Variants in DPYD observed in about 807,000 individuals in gnomAD.
DPYD encodes dihydropyrimidine dehydrogenase, also known as dihydropyrimidine dehydrogenase [NADP(+)].
Under a neutral mutation model 116.2 loss-of-function variants are expected in DPYD, and 109 were observed. The ratio of observed to expected loss-of-function variants is 0.94; its 90% confidence interval spans 0.80 to 1.10. DPYD has a LOEUF of 1.10. Ranked by LOEUF, DPYD falls within the 50% of genes least tolerant of loss-of-function variation. DPYD has a pLI of 0.00. For synonymous variants in DPYD, 440 were observed against 432.0 expected (o/e 1.02, Z -0.23); for missense variants, 1,302 against 1,254.5 (o/e 1.04, Z -0.57).
In DPYD at chr1:97,079,026, G is replaced by A. The variant is rs760485592; in HGVS notation, c.3028C>T (p.Pro1010Ser). ...GGTACGCCTCTCTTTGGTTCATAAGGTGTTGTCCTGGAAACCATTTTGATG... is the reference window on the plus strand; with the variant it reads ...GGTACGCCTCTCTTTGGTTCATAAGATGTTGTCCTGGAAACCATTTTGATG... ...DCIKMVSRTTPYEPKRGVPLS... is the reference protein window; with the variant it reads ...DCIKMVSRTTSYEPKRGVPLS... The change falls in exon 23 of 23, where the codon CCT becomes TCT. Residue 1010 changes from proline (P) to serine (S), a missense_variant. Coordinates refer to ENST00000370192, the MANE Select transcript of DPYD (RefSeq NM_000110.4). The A allele has an allele frequency of 1.9e-6, 3 of 1,613,598 alleles. No homozygotes were observed. Among genetic ancestry groups the A allele is most frequent in the Middle Eastern group, 1.6e-4 (1 of 6,082 alleles).
intron 11 of DPYD, among the ~76,000 whole-genome samples, chr1:97,550,534 T>C (rs1171153619): frequency 6.6e-6 from 1 of 152,096 alleles, no homozygotes; most frequent in Non-Finnish European, 1.5e-5. Context: ...GATCAATGGA[T>C]GCAATTTAGA....
At chr1:97,182,894 T>C (rs1233905128) in intron 20 of DPYD, among the ~76,000 whole-genome samples, 2 of 152,314 alleles carry the variant, frequency 1.3e-5, no homozygotes, top group African/African-American at 4.8e-5. Flanking sequence ...TATTACAGTT[T>C]ACATTTTGAA....
At chr1:97,559,854 G>A (rs1413267855) in intron 11 of DPYD, among the ~76,000 whole-genome samples, 3 of 152,110 alleles carry the variant, frequency 2.0e-5, no homozygotes, top group Admixed American at 6.6e-5. Context: ...CTATAATAAT[G>A]GAAAACATTT....
At chr1:97,697,526 C>T (rs1459564013) in intron 6 of DPYD, among the ~76,000 whole-genome samples, 1 of 151,954 alleles carries the variant, frequency 6.6e-6, no homozygotes, top group African/African-American at 2.4e-5. Flanking sequence ...AACAGTGACA[C>T]AGAATGCCTG....
intron 10 of DPYD, among the ~76,000 whole-genome samples, chr1:97,578,012 AT>A: frequency 6.6e-6 from 1 of 151,642 alleles, no homozygotes; most frequent in East Asian, 1.9e-4. Context: ...TGCCTGGCTA[AT>A]TTTTGTATTT....
intron 14 of DPYD, among the ~76,000 whole-genome samples, chr1:97,406,549 C>A (rs1673667331): frequency 6.6e-6 from 1 of 151,028 alleles, no homozygotes; most frequent in African/African-American, 2.4e-5. Context: ...CTATCCCTCC[C>A]CTAGCCCCCC....
intron 15 of DPYD, among the ~76,000 whole-genome samples, chr1:97,378,307 C>T (rs560965684): frequency 2.6e-5 from 4 of 152,160 alleles, no homozygotes; most frequent in Admixed American, 1.3e-4. Context: ...CTGTAATGTG[C>T]CTCTGTTTGA....
chr1:97,456,671 C>G (rs1476202007), intron 13 of DPYD, among the ~76,000 whole-genome samples: 1 of 152,054 alleles, frequency 6.6e-6, no homozygotes, highest in Non-Finnish European at 1.5e-5. Context: ...CTCAGGTAAA[C>G]AATGATGGCG....
At chr1:97,168,502 G>C (rs967345739) in intron 20 of DPYD, among the ~76,000 whole-genome samples, 9 of 152,176 alleles carry the variant, frequency 5.9e-5, no homozygotes, top group Non-Finnish European at 1.3e-4. Context: ...TATTTAGTAA[G>C]AGTTGGGTGA....
chr1:97,828,568 A>G (rs1196820164), intron 2 of DPYD, among the ~76,000 whole-genome samples: 1 of 152,116 alleles, frequency 6.6e-6, no homozygotes, highest in Non-Finnish European at 1.5e-5. Context: ...TAAACTCAAA[A>G]GAGAAAACCA....
At chr1:97,439,125 G>A (rs1176001866) in intron 14 of DPYD, among the ~76,000 whole-genome samples, 1 of 150,894 alleles carries the variant, frequency 6.6e-6, no homozygotes, top group African/African-American at 2.4e-5. Context: ...TTTTTCTATT[G>A]GGTTTATTGA....
At chr1:97,436,015 G>T (rs12073650) in intron 14 of DPYD, among the ~76,000 whole-genome samples, 8,950 of 151,992 alleles carry the variant, frequency 0.059, 275 homozygotes, top group East Asian at 0.12. Flanking sequence ...AAACAGTTGT[G>T]CATTTTTCTA....
At chr1:97,220,930 T>A (rs915804544) in intron 19 of DPYD, among the ~76,000 whole-genome samples, 8 of 152,278 alleles carry the variant, frequency 5.3e-5, no homozygotes, top group Non-Finnish European at 1.2e-4. Context: ...TACTCCAAAT[T>A]TCATGTTATC....
At chr1:97,258,157 C>T (rs762759575) in intron 18 of DPYD, among the ~76,000 whole-genome samples, 9 of 152,070 alleles carry the variant, frequency 5.9e-5, no homozygotes, top group Non-Finnish European at 1.0e-4. Flanking sequence ...GAGAGTGGGG[C>T]AGATATTTCT....
chr1:97,849,244 T>C (rs775570781), intron 2 of DPYD, among the ~76,000 whole-genome samples: 2 of 152,184 alleles, frequency 1.3e-5, no homozygotes, highest in African/African-American at 4.8e-5. Flanking sequence ...AATAAAAATA[T>C]AGACATATAG....
intron 2 of DPYD, among the ~76,000 whole-genome samples, chr1:97,871,146 A>G: frequency 6.6e-6 from 1 of 151,894 alleles, no homozygotes; most frequent in Non-Finnish European, 1.5e-5. Context: ...TAAAATATAC[A>G]TATTTTGTTT....
At chr1:97,858,282 T>C (rs1670948021) in intron 2 of DPYD, among the ~76,000 whole-genome samples, 1 of 152,192 alleles carries the variant, frequency 6.6e-6, no homozygotes, top group South Asian at 2.1e-4. Flanking sequence ...TTCAATCTTA[T>C]TTGATTTGTA....
At chr1:97,793,107 A>G (rs1401393391) in intron 3 of DPYD, among the ~76,000 whole-genome samples, 2 of 152,222 alleles carry the variant, frequency 1.3e-5, no homozygotes, top group Non-Finnish European at 2.9e-5. Context: ...TGTAGGTGGG[A>G]AATCTCTATA....
chr1:97,089,286 CGGGGG>C (rs1173918693), intron 21 of DPYD, among the ~76,000 whole-genome samples: 1 of 152,104 alleles, frequency 6.6e-6, no homozygotes, highest in Non-Finnish European at 1.5e-5. Context: ...GGAAAGCATT[CGGGGG>C]ACTTTATAAG....
Sources: gnomAD v4.1 joint callset for allele counts (sites outside exome capture counted in the v4.1 genomes callset) on GRCh38, gnomAD v4.1.1 for gene constraint, MANE v1.5 for transcripts, NCBI Gene and HGNC (gene_info 2026-07-23, HGNC 2026-07-21) for gene names.